The following ALDH8A1 variants were observed in gnomAD, a reference collection of about 807,000 sequenced individuals.
ALDH8A1 encodes 2-aminomuconic semialdehyde dehydrogenase.
In ALDH8A1, 39 loss-of-function variants were observed where a neutral mutation model predicts 43.3. That is an observed-to-expected ratio of 0.90 (90% CI 0.70 to 1.18). The LOEUF is 1.18. Ranked by LOEUF, ALDH8A1 falls within the 50% of genes most tolerant of loss-of-function variation. The pLI, the probability that ALDH8A1 is intolerant of heterozygous loss-of-function variation, is 0.00. For missense variants in ALDH8A1, 605 were observed against 622.6 expected (o/e 0.97, Z 0.30); for synonymous variants, 233 against 243.5 (o/e 0.96, Z 0.40).
intron 4 of ALDH8A1, among the ~76,000 whole-genome samples, chr6:134,935,578 T>C (rs897931477): frequency 1.3e-5 from 2 of 152,140 alleles, no homozygotes; most frequent in African/African-American, 4.8e-5. Flanking sequence ...TGCCTGGAGG[T>C]AGCAGAGTTT....
At chr6:134,937,699 C>T (rs117714411) in intron 4 of ALDH8A1, among the ~76,000 whole-genome samples, 3,506 of 152,310 alleles carry the variant, frequency 0.023, 74 homozygotes, top group Middle Eastern at 0.054. Context: ...CAGGCCTAGT[C>T]CACTCTGGGG....
chr6:134,943,867 G>A lies in ALDH8A1; in HGVS notation c.238C>T (p.Leu80=). The A allele has an allele frequency of 1.9e-6, 3 of 1,614,250 alleles. No individual in the cohort carries two copies. The highest frequency in any genetic ancestry group is 2.5e-6 in the Non-Finnish European group (3 of 1,180,050). Residue 80 remains leucine, a synonymous_variant, in exon 2 of 7, where the codon CTG becomes TTG. Coordinates refer to ENST00000265605, the MANE Select transcript of ALDH8A1 (RefSeq NM_022568.4). ...SRVLNQVADL[L]EQSLEEFAQA... ...GCAAACTCCTCCAGGGACTGCTCCA[G>A]CAAATCCGCCACCTGGTTCAGGACC...
intron 1 of ALDH8A1, among the ~76,000 whole-genome samples, chr6:134,945,809 A>G (rs182744262): frequency 1.0e-3 from 152 of 152,112 alleles, no homozygotes; most frequent in Non-Finnish European, 5.6e-4. Flanking sequence ...CATTTCCCTC[A>G]TGCAAAGTGA....
intron 6 of ALDH8A1, among the ~76,000 whole-genome samples, chr6:134,925,061 A>G (rs1297712782): frequency 6.6e-6 from 1 of 152,244 alleles, no homozygotes; most frequent in Non-Finnish European, 1.5e-5. Context: ...TGCTGTAGAA[A>G]TCTGAAATTA....
At chr6:134,935,099 C>T (rs1375921107) in intron 4 of ALDH8A1, among the ~76,000 whole-genome samples, 3 of 152,202 alleles carry the variant, frequency 2.0e-5, no homozygotes, top group Admixed American at 6.5e-5. Flanking sequence ...GCAGAGGCTA[C>T]GCTTCCCAGC....
At position 134,945,720 on chromosome 6, in the gene ALDH8A1, TG is replaced by T; in HGVS notation, c.139-1755del. 1.3e-5 allele frequency among the ~76,000 whole-genome samples: 2 copies of T among 152,162 alleles called. 1 individual carries two copies. The highest frequency in any genetic ancestry group is 3.9e-4 in the East Asian group (2 of 5,184). On this transcript the variant is annotated intron_variant, in intron 1 of 6. Transcript: ENST00000265605. The stretch of plus-strand genomic sequence containing the variant: ...TTCTGGCAGCCGTGAGCATCTTTTT[TG>T]GGGCGCTTGACCCGAAGTAATCTAG...
Position 134,929,151 on chromosome 6 carries a change from T to C in ALDH8A1, c.914A>G (p.Lys305Arg). The C allele has an allele frequency of 1.2e-6, 2 of 1,614,164 alleles. No homozygotes were observed. The highest frequency in any genetic ancestry group is 1.7e-6 in the Non-Finnish European group (2 of 1,180,024). The change falls in exon 6 of 7, where the codon AAG (lysine) becomes AGG (arginine). Residue 305 changes from lysine (K) to arginine (R), a missense_variant. Transcript: ENST00000265605. Reference protein sequence around the residue: ...VQKSIYSEFLKRFVEATRKWK... With the variant: ...VQKSIYSEFLRRFVEATRKWK... ...CTTTCTGGTAGCTTCTACAAATCTCTTTAAAAATTCACTATAGATGCTCTT... is the reference window on the plus strand; with the variant it reads ...CTTTCTGGTAGCTTCTACAAATCTCCTTAAAAATTCACTATAGATGCTCTT...
At chr6:134,920,643 T>C (rs964005639) in intron 6 of ALDH8A1, among the ~76,000 whole-genome samples, 2 of 152,188 alleles carry the variant, frequency 1.3e-5, no homozygotes. Context: ...ACATTTAATA[T>C]ATAAGGTGAC....
chr6:134,943,569 A>C lies in ALDH8A1; in HGVS notation c.286+250T>G, dbSNP rs554327026. ...TTGCACTTCCTTTCATCCAATGAAC[A>C]GAGTATATTTCTTTGCCCCTCAGCT... On this transcript the variant is annotated intron_variant, in intron 2 of 6. Coordinates refer to ENST00000265605, the MANE Select transcript of ALDH8A1 (RefSeq NM_022568.4). Among the ~76,000 whole-genome samples, 39 of 152,338 alleles carry C rather than the reference A, an allele frequency of 2.6e-4. No homozygotes were observed. In the South Asian group the frequency reaches 8.1e-3, roughly 32 times the overall value.
At chr6:134,946,788 G>T (rs75214079) in intron 1 of ALDH8A1, among the ~76,000 whole-genome samples, 6 of 148,470 alleles carry the variant, frequency 4.0e-5, no homozygotes, top group Admixed American at 4.0e-4. Flanking sequence ...GTGCGCGCGC[G>T]CACAGGTGCG....
chr6:134,949,728 G>A (rs542169142), intron 1 of ALDH8A1, among the ~76,000 whole-genome samples, 188 bp downstream of exon 1: 5 of 152,218 alleles, frequency 3.3e-5, no homozygotes, highest in African/African-American at 1.2e-4. Context: ...CTGCATATAG[G>A]AAGAGATTTG....
intron 6 of ALDH8A1, among the ~76,000 whole-genome samples, chr6:134,925,923 C>A (rs1254066066): frequency 6.6e-6 from 1 of 151,912 alleles, no homozygotes; most frequent in East Asian, 1.9e-4. Flanking sequence ...AGAGCAAGGG[C>A]CAAGAAGGAG....
rs749023913 is a variant in ALDH8A1, at chr6:134,932,892, G to A, written c.733C>T (p.Pro245Ser). Residue 245 changes from proline to serine, a missense_variant, in exon 5 of 7, where the codon CCC becomes TCC. Pro to Ser is a moderately conservative substitution (Grantham distance 74). Coordinates refer to ENST00000265605, the MANE Select transcript of ALDH8A1 (RefSeq NM_022568.4). ...TAERITQLSA[P>S]HCKKLSLELG... Reference sequence around the variant, plus strand: ...TCCAGGGAGAGCTTTTTGCAGTGGGGAGCGCTCAGCTGGGTGATCCGCTCA... The same window carrying A: ...TCCAGGGAGAGCTTTTTGCAGTGGGAAGCGCTCAGCTGGGTGATCCGCTCA... The A allele has an allele frequency of 3.1e-6, 5 of 1,614,210 alleles. No homozygotes were observed. Among genetic ancestry groups the A allele is most frequent in the South Asian group, 2.2e-5 (2 of 91,084 alleles).
At chr6:134,930,489 T>C (rs114233042) in intron 5 of ALDH8A1, among the ~76,000 whole-genome samples, 88 of 152,374 alleles carry the variant, frequency 5.8e-4, no homozygotes, top group African/African-American at 1.9e-3. Context: ...AATGCATAAA[T>C]ATTTTCACCA....
At chr6:134,932,309 C>A (rs111240814) in intron 5 of ALDH8A1, among the ~76,000 whole-genome samples, 1 of 152,150 alleles carries the variant, frequency 6.6e-6, no homozygotes, top group South Asian at 2.1e-4. Flanking sequence ...CATGAATCCA[C>A]GCCAAGAAAT....
chr6:134,923,848 A>G (rs2114679413), intron 6 of ALDH8A1, among the ~76,000 whole-genome samples: 1 of 152,324 alleles, frequency 6.6e-6, no homozygotes, highest in South Asian at 2.1e-4. Context: ...ATGGTGTATG[A>G]GATGGGGTGA....
chr6:134,918,372 T>C lies in ALDH8A1; in HGVS notation c.*43A>G. On this transcript the variant is annotated 3_prime_UTR_variant, in exon 7 of 7. Transcript: ENST00000265605. ...TCTACCACATTGAACAACTGATGCC[T>C]GCAGCCAGGCATTGGCCATAGTGGC... The C allele has an allele frequency of 3.8e-6, 6 of 1,573,928 alleles. No individual in the cohort carries two copies. The highest frequency in any genetic ancestry group is 5.2e-6 in the Non-Finnish European group (6 of 1,152,112).
chr6:134,925,494 C>T (rs1398136608), intron 6 of ALDH8A1, among the ~76,000 whole-genome samples: 1 of 152,100 alleles, frequency 6.6e-6, no homozygotes, highest in African/African-American at 2.4e-5. Flanking sequence ...GTAGTTTAAG[C>T]TAAGGATCAA....
intron 5 of ALDH8A1, 94 bp downstream of exon 5, chr6:134,932,682 T>C: frequency 6.6e-7 from 1 of 1,519,702 alleles, no homozygotes; most frequent in South Asian, 1.3e-5. Flanking sequence ...TGGCACTGGA[T>C]TGACTGGCTT....
Sources: allele counts gnomAD v4.1 joint callset (sites outside exome capture counted in the v4.1 genomes callset), GRCh38; gene constraint gnomAD v4.1.1; transcripts MANE v1.5; gene names NCBI Gene and HGNC (gene_info 2026-07-23, HGNC 2026-07-21).